PPIG: variants seen among roughly 807,000 people sequenced by gnomAD.
The protein encoded by PPIG is peptidyl-prolyl cis-trans isomerase G.
PPIG carries 26 observed loss-of-function variants against 87.9 expected under a neutral mutation model. The ratio of observed to expected loss-of-function variants is 0.30; its 90% CI spans 0.22 to 0.41. The LOEUF (loss-of-function observed/expected upper bound fraction) is 0.41. PPIG is among the 10% of genes least tolerant of loss of function. The probability of loss-of-function intolerance (pLI) is 1.00; values close to 1 mark genes in which losing one functional copy is unlikely to be tolerated. For synonymous variants in PPIG, 308 were observed against 276.5 expected, an observed-to-expected ratio of 1.11 and a Z score of -1.13; for missense variants, 722 against 879.4, an observed-to-expected ratio of 0.82 and a Z score of 2.26.
chr2:169,609,522 A>C (rs1191226211), intron 7 of PPIG, among the ~76,000 whole-genome samples: 1 of 152,148 alleles, frequency 6.6e-6, no homozygotes, highest in African/African-American at 2.4e-5. Flanking sequence ...TTGTTCTGCT[A>C]ATGTTTTGAA....
chr2:169,615,250 T>G (rs557020512), intron 9 of PPIG, among the ~76,000 whole-genome samples: 1 of 152,288 alleles, frequency 6.6e-6, no homozygotes, highest in East Asian at 1.9e-4. Flanking sequence ...GGTTTCACCA[T>G]ATTGGCCAGG....
intron 9 of PPIG, among the ~76,000 whole-genome samples, chr2:169,617,239 A>C (rs1024292025): frequency 6.6e-6 from 1 of 152,198 alleles, no homozygotes; most frequent in Non-Finnish European, 1.5e-5. Flanking sequence ...TGGTACCAGT[A>C]CCATGCTGTT....
intron 5 of PPIG, among the ~76,000 whole-genome samples, chr2:169,606,718 G>A (rs1222404099): frequency 6.6e-5 from 10 of 151,414 alleles, no homozygotes; most frequent in Admixed American, 2.0e-4. Context: ...AAGTGTTTCT[G>A]TTTGATTTTG....
chr2:169,588,711 C>A (rs1684772587), intron 1 of PPIG, among the ~76,000 whole-genome samples: 1 of 151,936 alleles, frequency 6.6e-6, no homozygotes, highest in Admixed American at 6.6e-5. Context: ...CCTGTAATCC[C>A]GACACTTTGG....
At chr2:169,602,199 G>A (rs747250624) in intron 1 of PPIG, among the ~76,000 whole-genome samples, 4 of 148,304 alleles carry the variant, frequency 2.7e-5, no homozygotes, top group Non-Finnish European at 4.5e-5. Context: ...AGGATATCTC[G>A]TGTATGATAA....
At chr2:169,633,900 G>A (rs140664400) in intron 12 of PPIG, among the ~76,000 whole-genome samples, 383 of 150,598 alleles carry the variant, frequency 2.5e-3, no homozygotes, top group African/African-American at 8.3e-3. Context: ...GCATGATCTC[G>A]GCTCACTTTA....
chr2:169,619,878 C>T (rs1467097997), intron 9 of PPIG, among the ~76,000 whole-genome samples: 1 of 152,040 alleles, frequency 6.6e-6, no homozygotes, highest in Non-Finnish European at 1.5e-5. Flanking sequence ...ATTTGTATGT[C>T]TTCGTTTGAG....
intron 1 of PPIG, among the ~76,000 whole-genome samples, chr2:169,586,275 T>TTGTCAGGAGTGCTCCTGC (rs1446984211): frequency 6.6e-6 from 1 of 152,316 alleles, no homozygotes; most frequent in East Asian, 1.9e-4. Context: ...AGGCAGTCAG[T>TTGTCAGGAGTGCTCCTGC]TGTCAGGAGT....
intron 9 of PPIG, among the ~76,000 whole-genome samples, chr2:169,616,740 G>T (rs1274000344): frequency 2.0e-5 from 3 of 152,124 alleles, no homozygotes; most frequent in Non-Finnish European, 2.9e-5. Context: ...ATAGATTCTG[G>T]ATATTAGCCC....
chr2:169,636,282 A>G (rs1686178945), intron 13 of PPIG, 54 bp downstream of exon 13: 6 of 1,525,238 alleles, frequency 3.9e-6, no homozygotes, highest in Admixed American at 2.3e-5. Context: ...TGCTTTTACT[A>G]TTATACATAA....
intron 12 of PPIG, chr2:169,633,471 A>T: frequency 1.8e-6 from 1 of 561,346 alleles, no homozygotes; most frequent in Non-Finnish European, 3.1e-6. Flanking sequence ...CATGGTATAA[A>T]ATGGGATCGA....
Position 169,637,295 on chromosome 2 carries a change from A to T in PPIG, c.2037A>T (p.Glu679Asp). 1 of 1,607,582 alleles carries T rather than the reference A, an allele frequency of 6.2e-7. No individual in the cohort carries two copies. Among genetic ancestry groups the T allele is most frequent in the Non-Finnish European group, 8.5e-7 (1 of 1,178,634 alleles). ...ATAATAGCTCAAATAACAGCAGGGA[A>T]AAAAAGGCTGATAGAGATCAAAGTC... Reference protein sequence around the residue: ...RDHNSSNNSREKKADRDQSPF... With the variant: ...RDHNSSNNSRDKKADRDQSPF... Residue 679 changes from glutamate to aspartate, a missense_variant, in exon 14 of 14, where the codon GAA (glutamate) becomes GAT (aspartate). Around this residue, in one of 4 missense-constraint regions of PPIG, gnomAD observed 476 missense variants for 483.1 expected, o/e 0.99. Transcript: ENST00000260970.
intron 1 of PPIG, among the ~76,000 whole-genome samples, chr2:169,592,136 C>T (rs536186163): frequency 2.7e-5 from 4 of 150,212 alleles, no homozygotes; most frequent in Non-Finnish European, 4.4e-5. Flanking sequence ...TGCTGTTGCC[C>T]AGGCTGGTCA....
intron 9 of PPIG, among the ~76,000 whole-genome samples, chr2:169,629,899 C>T (rs917926859): frequency 1.3e-5 from 2 of 152,136 alleles, no homozygotes; most frequent in Non-Finnish European, 2.9e-5. Context: ...TTATGAGTAT[C>T]ACTGTGAACT....
rs1339071664 is a variant in PPIG, at chr2:169,636,548, A to G, written c.1290A>G (p.Lys430=). ...AGGAGAAGAAAGTTAAAGACCATAA[A>G]TCTAACAGCAAAGAGAGAGACATCA... is the stretch of plus-strand genomic sequence containing the variant. ...NEKEKKVKDH[K]SNSKERDIRR... The change falls in exon 14 of 14, where the codon AAA becomes AAG. Residue 430 remains lysine (K), a synonymous_variant. Coordinates refer to ENST00000260970, the MANE Select transcript of PPIG (RefSeq NM_004792.3). 1 of 1,609,650 alleles carries G rather than the reference A, an allele frequency of 6.2e-7. No individual in the cohort carries two copies. Among genetic ancestry groups the G allele is most frequent in the Non-Finnish European group, 8.5e-7 (1 of 1,178,888 alleles).
chr2:169,612,365 T>C (rs553798049), intron 7 of PPIG, among the ~76,000 whole-genome samples: 2 of 148,920 alleles, frequency 1.3e-5, no homozygotes, highest in South Asian at 4.2e-4. Context: ...TATTGTAACA[T>C]GTATCAGAAC....
intron 11 of PPIG, among the ~76,000 whole-genome samples, chr2:169,632,202 C>T (rs1256736475): frequency 6.6e-6 from 1 of 152,116 alleles, no homozygotes; most frequent in Non-Finnish European, 1.5e-5. Context: ...AAGCCAATAA[C>T]AAGATACTCT....
rs961954057 is a variant in PPIG at position 169,637,754 on chromosome 2, A to G, written c.*231A>G. ...CGACATGAGAAAAACACTTTGGTGT[A>G]GTACTGTGTGCTGTGTTTAACTATT... On this transcript the variant is annotated 3_prime_UTR_variant, in exon 14 of 14. Transcript: ENST00000260970. 7.7e-5 allele frequency: 32 copies of G among 415,068 alleles called. No individual in the cohort carries two copies. Among genetic ancestry groups the G allele is most frequent in the African/African-American group, 6.2e-4 (30 of 48,668 alleles). The allele number at this position is 415,068 out of a possible 1,614,324, so 25.7% of individuals were successfully genotyped here.
chr2:169,596,371 C>G (rs189699232), intron 1 of PPIG, among the ~76,000 whole-genome samples: 65 of 152,274 alleles, frequency 4.3e-4, no homozygotes, highest in African/African-American at 1.4e-3. Flanking sequence ...TCCCAAAGTG[C>G]TGGGATTACA....
Sources: gnomAD v4.1 joint callset for allele counts (sites outside exome capture counted in the v4.1 genomes callset) on GRCh38, gnomAD v4.1.1 for gene constraint, gnomAD v4.1.1 regional missense constraint, MANE v1.5 for transcripts, NCBI Gene and HGNC (gene_info 2026-07-23, HGNC 2026-07-21) for gene names.